Variants in SYT1 observed in about 807,000 individuals in gnomAD.
SYT1 encodes synaptotagmin 1.
Under a neutral mutation model 44.8 loss-of-function variants are expected in SYT1, and 8 were observed. The ratio of observed to expected loss-of-function variants is 0.18; its 90% CI spans 0.10 to 0.32. SYT1 has a LOEUF of 0.32. SYT1 is among the 10% of genes least tolerant of loss of function. The pLI, the probability that SYT1 is intolerant of heterozygous loss-of-function variation, is 1.00. For synonymous variants in SYT1, 154 were observed against 188.8 expected (o/e 0.82, Z 1.51); for missense variants, 286 against 509.3 (o/e 0.56, Z 4.22).
chr12:79,109,149 C>T (rs191277499), intron 3 of SYT1, among the ~76,000 whole-genome samples: 320 of 152,316 alleles, frequency 2.1e-3, no homozygotes, highest in African/African-American at 7.4e-3. Flanking sequence ...AGGCTCCTCC[C>T]TGCTGCAAAC....
chr12:79,070,278 C>T (rs1465920108), intron 3 of SYT1, among the ~76,000 whole-genome samples: 1 of 152,054 alleles, frequency 6.6e-6, no homozygotes, highest in Non-Finnish European at 1.5e-5. Flanking sequence ...GCTTTATAGA[C>T]CTCAAGAAAT....
At chr12:79,096,743 A>T (rs1229733928) in intron 3 of SYT1, among the ~76,000 whole-genome samples, 1 of 152,008 alleles carries the variant, frequency 6.6e-6, no homozygotes, top group Non-Finnish European at 1.5e-5. Context: ...CTGGTGGGGC[A>T]GCTATTAAAG....
chr12:79,287,203 G>C (rs571827539), intron 5 of SYT1, among the ~76,000 whole-genome samples: 1 of 152,060 alleles, frequency 6.6e-6, no homozygotes, highest in African/African-American at 2.4e-5. Flanking sequence ...TTCTGTTTTG[G>C]AGCTATGGAA....
At chr12:79,217,807 A>G (rs1296946634) in intron 4 of SYT1, 122 bp downstream of exon 4, 4 of 691,328 alleles carry the variant, frequency 5.8e-6, no homozygotes, top group Non-Finnish European at 8.5e-6. Context: ...TTACTATGGG[A>G]ATGATAGTAT....
chr12:79,245,409 A>C, intron 4 of SYT1, among the ~76,000 whole-genome samples: 1 of 144,682 alleles, frequency 6.9e-6, no homozygotes, highest in Non-Finnish European at 1.5e-5. Flanking sequence ...CGGGAAGCGG[A>C]GCTGCAATGA....
chr12:79,252,148 A>G (rs1330299223), intron 4 of SYT1, among the ~76,000 whole-genome samples: 1 of 152,096 alleles, frequency 6.6e-6, no homozygotes, highest in Non-Finnish European at 1.5e-5. Flanking sequence ...AAAAATCATG[A>G]CTCTATCATT....
intron 1 of SYT1, among the ~76,000 whole-genome samples, chr12:78,876,916 T>C (rs1239456677): frequency 1.1e-4 from 12 of 107,678 alleles, no homozygotes; most frequent in African/African-American, 3.4e-4. Context: ...ATATGTATTA[T>C]ATATAATATA....
At chr12:79,040,837 C>T (rs1873502151) in intron 2 of SYT1, among the ~76,000 whole-genome samples, 1 of 144,350 alleles carries the variant, frequency 6.9e-6, no homozygotes, top group South Asian at 2.3e-4. Flanking sequence ...CAGCTTTCTA[C>T]ATATGGCTAG....
rs578054210 is a variant in SYT1 at position 79,163,839 on chromosome 12, T to C, written c.-17-53664T>C. Among the ~76,000 whole-genome samples, 63 of 152,250 alleles carry C rather than the reference T, an allele frequency of 4.1e-4. No individual in the cohort carries two copies. In the South Asian group the frequency reaches 0.013, roughly 31 times the overall value. ...AGTCCACTACTAAGTCTATACTTTTTAGCCTTTTTAAATCAAGGGGAGTAT... is the reference window on the plus strand; with the variant it reads ...AGTCCACTACTAAGTCTATACTTTTCAGCCTTTTTAAATCAAGGGGAGTAT... On this transcript the variant is annotated intron_variant, in intron 3 of 10. Coordinates refer to ENST00000261205, the MANE Select transcript of SYT1 (RefSeq NM_005639.3).
At chr12:79,319,865 A>T (rs1217791704) in intron 8 of SYT1, among the ~76,000 whole-genome samples, 1 of 152,124 alleles carries the variant, frequency 6.6e-6, no homozygotes, top group Non-Finnish European at 1.5e-5. Flanking sequence ...CTCTTTCATC[A>T]CCTTCCCTTT....
At position 79,407,037 on chromosome 12, in the gene SYT1, A is replaced by T. The variant is rs993934494; in HGVS notation, c.929-37036A>T. Among the ~76,000 whole-genome samples the T allele has an allele frequency of 3.5e-4, 53 of 152,086 alleles. 1 individual carries two copies. Among genetic ancestry groups the T allele is most frequent in the African/African-American group, 1.2e-3 (48 of 41,438 alleles). ...CTGAGCCTCAGTTTATTTATCTGTT[A>T]AAAAGGGATAATAATGCTTGTTTCA... On this transcript the variant is annotated intron_variant, in intron 9 of 10. Transcript: ENST00000261205.
intron 3 of SYT1, among the ~76,000 whole-genome samples, chr12:79,166,122 T>C (rs1458734068): frequency 6.6e-6 from 1 of 151,998 alleles, no homozygotes; most frequent in Admixed American, 6.6e-5. Context: ...CCTATAAAAT[T>C]TGTTTTTACC....
chr12:79,026,702 T>TATAAAAAA (rs34140383), intron 2 of SYT1, among the ~76,000 whole-genome samples: 4 of 125,314 alleles, frequency 3.2e-5, no homozygotes, highest in African/African-American at 9.0e-5. Context: ...TATATATATA[T>TATAAAAAA]CACACTTTCA....
At chr12:78,875,431 A>G (rs912067992) in intron 1 of SYT1, among the ~76,000 whole-genome samples, 2 of 151,586 alleles carry the variant, frequency 1.3e-5, no homozygotes, top group East Asian at 3.9e-4. Flanking sequence ...CTAATAAATA[A>G]AACAGAGCAA....
chr12:79,333,413 G>T (rs1323437844), intron 8 of SYT1, among the ~76,000 whole-genome samples: 1 of 152,052 alleles, frequency 6.6e-6, no homozygotes, highest in Non-Finnish European at 1.5e-5. Context: ...CATCACCTTG[G>T]GAGTTAGGAT....
chr12:78,974,981 A>G (rs1868712962), intron 1 of SYT1, among the ~76,000 whole-genome samples: 1 of 151,812 alleles, frequency 6.6e-6, no homozygotes, highest in Admixed American at 6.6e-5. Context: ...GTTTCTCTAA[A>G]CTCACTATAT....
chr12:79,062,113 A>G (rs1875434896), intron 3 of SYT1, among the ~76,000 whole-genome samples: 1 of 152,168 alleles, frequency 6.6e-6, no homozygotes, highest in Non-Finnish European at 1.5e-5. Context: ...AGGCTGCTCA[A>G]TAACATGATC....
chr12:79,332,688 T>A (rs1881909070), intron 8 of SYT1, among the ~76,000 whole-genome samples: 1 of 152,210 alleles, frequency 6.6e-6, no homozygotes, highest in Admixed American at 6.5e-5. Context: ...CCTTGTCATC[T>A]TTGAATTGGT....
At chr12:79,447,174 G>T (rs546883732) in intron 10 of SYT1, among the ~76,000 whole-genome samples, 1 of 151,910 alleles carries the variant, frequency 6.6e-6, no homozygotes, top group African/African-American at 2.4e-5. Flanking sequence ...TCCTTTGACT[G>T]TATCCCTCTT....
Sources: gnomAD v4.1 joint callset for allele counts (sites outside exome capture counted in the v4.1 genomes callset) on GRCh38, gnomAD v4.1.1 for gene constraint, MANE v1.5 for transcripts, NCBI Gene and HGNC (gene_info 2026-07-23, HGNC 2026-07-21) for gene names.